NDUFS7: variants seen among roughly 807,000 people sequenced by gnomAD.
The protein encoded by NDUFS7 is NADH:ubiquinone oxidoreductase core subunit S7.
NDUFS7 carries 11 observed loss-of-function variants against 31.1 expected under a neutral mutation model. The observed-to-expected ratio is 0.35, with a 90% CI of 0.22 to 0.59. The LOEUF (loss-of-function observed/expected upper bound fraction) is 0.59, where lower values mean the gene tolerates loss of function less well. Among genes scored for constraint, NDUFS7 ranks in the 20% least tolerant of loss-of-function variants. The pLI is 0.79. For missense variants in NDUFS7, 263 were observed against 324.2 expected, an observed-to-expected ratio of 0.81 and a Z score of 1.45; for synonymous variants, 136 against 127.9, an observed-to-expected ratio of 1.06 and a Z score of -0.43.
intron 1 of NDUFS7, among the ~76,000 whole-genome samples, chr19:1,385,372 G>A (rs1010834060): frequency 1.3e-5 from 2 of 151,522 alleles, no homozygotes; most frequent in African/African-American, 4.9e-5. Context: ...AAATCAGCTG[G>A]GTGTGGTGGC....
At chr19:1,390,622 CGAGGAACTATGTGATGA>C in intron 4 of NDUFS7, 1 of 588,504 alleles carries the variant, frequency 1.7e-6, no homozygotes, top group Non-Finnish European at 3.0e-6. Context: ...ACACTGGGTT[CGAGGAACTATGTGATGA>C]GGACAGATCT....
chr19:1,394,377 G>A, intron 7 of NDUFS7: 1 of 1,289,192 alleles, frequency 7.8e-7, no homozygotes. Context: ...AGACCAATGG[G>A]GCAAGTTGCG....
chr19:1,394,489 G>T (rs550693291), intron 7 of NDUFS7: 83 of 1,262,184 alleles, frequency 6.6e-5, no homozygotes, highest in Non-Finnish European at 8.4e-5. Flanking sequence ...TGGGGACTGC[G>T]CTCCTCCCTC....
chr19:1,384,379 C>T (rs1406691262), intron 1 of NDUFS7, among the ~76,000 whole-genome samples: 1 of 152,230 alleles, frequency 6.6e-6, no homozygotes, highest in Non-Finnish European at 1.5e-5. Context: ...GACATCCACG[C>T]CACCCTGCTG....
intron 1 of NDUFS7, among the ~76,000 whole-genome samples, chr19:1,385,566 C>T (rs900894627): frequency 9.9e-5 from 15 of 152,118 alleles, no homozygotes; most frequent in African/African-American, 3.6e-4. Flanking sequence ...GGCCTGTAAT[C>T]CCAGCACTTT....
intron 6 of NDUFS7, among the ~76,000 whole-genome samples, chr19:1,391,466 A>C (rs1600151177): frequency 6.8e-6 from 1 of 147,106 alleles, no homozygotes; most frequent in African/African-American, 2.5e-5. Context: ...CAGCCTTCTC[A>C]CTTGCCATTA....
chr19:1,391,293 T>A, intron 6 of NDUFS7, 128 bp downstream of exon 6: 1 of 1,223,118 alleles, frequency 8.2e-7, no homozygotes, highest in Non-Finnish European at 1.2e-6. Context: ...GGCGCTGCCC[T>A]TCAGCCGTCT....
At chr19:1,385,240 C>T (rs751697799) in intron 1 of NDUFS7, among the ~76,000 whole-genome samples, 2 of 152,240 alleles carry the variant, frequency 1.3e-5, no homozygotes, top group African/African-American at 2.4e-5. Context: ...CTGGCCCACG[C>T]GCGGTGGCTC....
Position 1,393,305 on chromosome 19 carries a change from C to T in NDUFS7, c.519C>T (p.Ile173=), listed in dbSNP as rs367714740. ...SYSVVRGCDR[I]VPVDIYIPGC... is the part of the protein sequence containing the mutation. Reference sequence around the variant, plus strand: ...CGGTGGTGAGGGGCTGCGACCGCATCGTGCCCGTGGACATCTACATCCCAG... The same window carrying T: ...CGGTGGTGAGGGGCTGCGACCGCATTGTGCCCGTGGACATCTACATCCCAG... The change falls in exon 7 of 8, where the codon ATC becomes ATT. Residue 173 remains isoleucine (I), a synonymous_variant. Transcript: ENST00000233627. This position sits in a 1 kb window ranked among gnomAD's most constrained non-coding sequence, Gnocchi z 7.3. 12 of 1,587,040 alleles carry T rather than the reference C, an allele frequency of 7.6e-6. No individual in the cohort carries two copies. The highest frequency in any genetic ancestry group is 4.6e-5 in the East Asian group (2 of 43,588).
At chr19:1,388,243 G>A in intron 2 of NDUFS7, 2 of 589,348 alleles carry the variant, frequency 3.4e-6, no homozygotes, top group South Asian at 4.0e-5. Flanking sequence ...AGGGCCTGCT[G>A]CCAGTTTCCT....
At chr19:1,386,891 A>G (rs2082510730) in intron 1 of NDUFS7, 1 of 152,254 alleles carries the variant, frequency 6.6e-6, no homozygotes, top group Non-Finnish European at 1.5e-5. Context: ...GGAGGGTCAC[A>G]GTTCAGCCGT....
chr19:1,395,259 C>A, intron 7 of NDUFS7, 132 bp from the exon 8 acceptor site: 1 of 1,465,070 alleles, frequency 6.8e-7, no homozygotes, highest in Non-Finnish European at 9.0e-7. Context: ...GCACTGCGCC[C>A]ACCCAGGGCT....
intron 7 of NDUFS7, chr19:1,394,185 T>C: frequency 2.6e-6 from 1 of 377,560 alleles, no homozygotes; most frequent in Non-Finnish European, 5.0e-6. Flanking sequence ...AGGAACAGGC[T>C]CTGACTTTGG....
intron 2 of NDUFS7, chr19:1,388,069 C>T (rs1302497958): frequency 1.6e-6 from 1 of 637,244 alleles, no homozygotes. Flanking sequence ...GAGGAAAACC[C>T]TGTGGGCCCG....
At chr19:1,386,062 G>A (rs1254015115) in intron 1 of NDUFS7, among the ~76,000 whole-genome samples, 1 of 152,176 alleles carries the variant, frequency 6.6e-6, no homozygotes, top group South Asian at 2.1e-4. Flanking sequence ...GTCCTTCAGA[G>A]AGTTGTGGCC....
At chr19:1,385,905 G>T (rs1419336777) in intron 1 of NDUFS7, among the ~76,000 whole-genome samples, 3 of 152,194 alleles carry the variant, frequency 2.0e-5, no homozygotes, top group African/African-American at 7.2e-5. Flanking sequence ...TATCTCCTCT[G>T]CTAGGAGCTC....
At position 1,395,298 on chromosome 19, in the gene NDUFS7, G is replaced by A. The variant is rs562109267; in HGVS notation, c.545-93G>A. ...AGCCTCCACCTTCAGAGGCCGGCCC[G>A]GGAAACCCTTCCAAAGCCGAGCCGG... is the stretch of plus-strand genomic sequence containing the variant. On this transcript the variant is annotated intron_variant, in intron 7 of 7. Coordinates refer to ENST00000233627, the MANE Select transcript of NDUFS7 (RefSeq NM_024407.5). The A allele has an allele frequency of 1.0e-4, 156 of 1,512,826 alleles. 2 individuals carry two copies. In the South Asian group the frequency reaches 1.6e-3, roughly 16 times the overall value. The allele number at this position is 1,512,826 out of a possible 1,614,324, so 93.7% of individuals were successfully genotyped here.
chr19:1,391,073 A>AGCCGCCCC (rs2082553599), intron 5 of NDUFS7, 23 bp downstream of exon 5: 2 of 1,612,242 alleles, frequency 1.2e-6, no homozygotes, highest in African/African-American at 1.3e-5. Flanking sequence ...CCAGCCGCCC[A>AGCCGCCCC]GCCGCCCCCA....
chr19:1,387,669 G>A (rs767997886), intron 1 of NDUFS7, 142 bp from the exon 2 acceptor site: 5 of 743,248 alleles, frequency 6.7e-6, no homozygotes, highest in African/African-American at 1.7e-5. Flanking sequence ...AAACCCCCTC[G>A]TTACCTAACG....
Sources: gnomAD v4.1 joint callset for allele counts (sites outside exome capture counted in the v4.1 genomes callset) on GRCh38, gnomAD v4.1.1 for gene constraint, Gnocchi (gnomAD v3.1) non-coding constraint, MANE v1.5 for transcripts, NCBI Gene and HGNC (gene_info 2026-07-23, HGNC 2026-07-21) for gene names.